C8orf76: variants seen among roughly 807,000 people sequenced by gnomAD.
C8orf76 encodes uncharacterized protein C8orf76.
C8orf76 carries 46 observed loss-of-function variants against 38.1 expected under a neutral mutation model. The ratio of observed to expected loss-of-function variants is 1.21; its 90% confidence interval spans 0.95 to 1.54. The LOEUF (loss-of-function observed/expected upper bound fraction) is 1.54. Ranked by LOEUF, C8orf76 falls within the 40% of genes most tolerant of loss-of-function variation. The pLI, the probability that C8orf76 is intolerant of heterozygous loss-of-function variation, is 0.00. For missense variants in C8orf76, 461 were observed against 441.6 expected, an observed-to-expected ratio of 1.04 and a Z score of -0.39; for synonymous variants, 166 against 167.5, an observed-to-expected ratio of 0.99 and a Z score of 0.07.
At chr8:123,235,267 T>C (rs1825421186) in intron 3 of C8orf76, among the ~76,000 whole-genome samples, 1 of 152,088 alleles carries the variant, frequency 6.6e-6, no homozygotes, top group African/African-American at 2.4e-5. Context: ...AAGAGGTGAA[T>C]GAATTTCAGC....
Sources: allele counts gnomAD v4.1 joint callset (sites outside exome capture counted in the v4.1 genomes callset), GRCh38; gene constraint gnomAD v4.1.1; transcripts MANE v1.5; gene names NCBI Gene and HGNC (gene_info 2026-07-23, HGNC 2026-07-21).